Variants in MYT1 observed in about 807,000 individuals in gnomAD.
MYT1 encodes myelin transcription factor I.
MYT1 carries 23 observed loss-of-function variants against 123.0 expected under a neutral mutation model. That is an observed-to-expected ratio of 0.19 (90% confidence interval 0.13 to 0.26). MYT1 has a LOEUF of 0.26. Among genes scored for constraint, MYT1 ranks in the 10% least tolerant of loss-of-function variants. The probability of loss-of-function intolerance (pLI) is 1.00; values close to 1 mark genes in which losing one functional copy is unlikely to be tolerated. For missense variants in MYT1, 1,125 were observed against 1,472.5 expected (o/e 0.76, Z 3.86); for synonymous variants, 518 against 575.3 (o/e 0.90, Z 1.43).
chr20:64,199,021 G>A, intron 3 of MYT1, 105 bp downstream of exon 3: 2 of 1,223,944 alleles, frequency 1.6e-6, no homozygotes, highest in Non-Finnish European at 2.4e-6. Context: ...GATGCCCTGG[G>A]GACCTCAGGC....
In MYT1 at chr20:64,186,143, GT is replaced by G. The variant is rs1982793276; in HGVS notation, c.-98-3915del. ...TGAGGAGGCCCTGTTTGTTTCCTGA[GT>G]TTTTCTGCCCACAAGAGCCCCATAA... On this transcript the variant is annotated intron_variant, in intron 1 of 22. Coordinates refer to ENST00000328439, the MANE Select transcript of MYT1 (RefSeq NM_004535.3). The surrounding 1 kb of genome is among the most constrained non-coding windows in gnomAD (Gnocchi z 4.3). 6.6e-6 allele frequency among the ~76,000 whole-genome samples: 1 copy of G among 152,086 alleles called. No individual in the cohort carries two copies. Among genetic ancestry groups the G allele is most frequent in the East Asian group, 1.9e-4 (1 of 5,192 alleles).
At chr20:64,220,268 G>A (rs1413229491) in intron 13 of MYT1, among the ~76,000 whole-genome samples, 1 of 152,206 alleles carries the variant, frequency 6.6e-6, no homozygotes, top group Non-Finnish European at 1.5e-5. Flanking sequence ...GCACCAACGT[G>A]GGCACTGTGG....
At chr20:64,210,237 C>T (rs545211103) in intron 7 of MYT1, among the ~76,000 whole-genome samples, 13 of 152,326 alleles carry the variant, frequency 8.5e-5, no homozygotes, top group African/African-American at 1.2e-4. Context: ...CAAAGGGACA[C>T]GGCCCCGGGT....
At chr20:64,197,363 C>G (rs182011333) in intron 2 of MYT1, among the ~76,000 whole-genome samples, 1 of 152,310 alleles carries the variant, frequency 6.6e-6, no homozygotes, top group African/African-American at 2.4e-5. Flanking sequence ...GTCTCTTTTT[C>G]TGGCTTTCAG....
chr20:64,232,455 A>G lies in MYT1; in HGVS notation c.2897+70A>G. ...ACCCTCGCCTGGGGCCTGGGGCTGA[A>G]GCTCCTGAGGGAGGGCCAGACCAGG... is the stretch of plus-strand genomic sequence containing the variant. On this transcript the variant is annotated intron_variant, in intron 19 of 22. Coordinates refer to ENST00000328439, the MANE Select transcript of MYT1 (RefSeq NM_004535.3). This position sits in a 1 kb window ranked among gnomAD's most constrained non-coding sequence, Gnocchi z 6.9. 1.3e-6 allele frequency: 2 copies of G among 1,502,334 alleles called. No individual in the cohort carries two copies. The highest frequency in any genetic ancestry group is 2.3e-5 in the South Asian group (2 of 87,214). 93.1% of individuals were successfully genotyped at this position (1,502,334 alleles called of 1,614,324 possible). A position where few individuals can be genotyped will look rare whatever the true frequency, so the allele number is the denominator to read the frequency against.
rs1983553530 is a variant in MYT1, at chr20:64,208,146, C to T, written c.950C>T (p.Thr317Ile). The part of the protein sequence containing the change: ...AAPDVIFQED[T>I]SHTSAQKAPE... ...CCTGATGTGATCTTTCAGGAAGACA[C>T]CTCTCACACCTCTGCCCAGAAGGCC... The change falls in exon 7 of 23, where the codon ACC (threonine) becomes ATC (isoleucine). Residue 317 changes from threonine to isoleucine, a missense_variant. Around this residue, in one of 4 missense-constraint regions of MYT1, gnomAD observed 406 missense variants for 432.2 expected, o/e 0.94. Transcript: ENST00000328439. This position sits in a 1 kb window ranked among gnomAD's most constrained non-coding sequence, Gnocchi z 5.4. 2 of 1,612,936 alleles carry T rather than the reference C, an allele frequency of 1.2e-6. No homozygotes were observed. Among genetic ancestry groups the T allele is most frequent in the Non-Finnish European group, 1.7e-6 (2 of 1,179,406 alleles).
chr20:64,166,612 C>T lies in MYT1; in HGVS notation c.-99+1873C>T, dbSNP rs1982090604. 6.6e-6 allele frequency among the ~76,000 whole-genome samples: 1 copy of T among 152,198 alleles called. No homozygotes were observed. The highest frequency in any genetic ancestry group is 2.4e-5 in the African/African-American group (1 of 41,450). On this transcript the variant is annotated intron_variant, in intron 1 of 22. Transcript: ENST00000328439. This position sits in a 1 kb window ranked among gnomAD's most constrained non-coding sequence, Gnocchi z 4.9. The stretch of plus-strand genomic sequence containing the variant: ...CTCGAGGGTTTTTGTGACCCTCAGC[C>T]ATTGCCCACAGATCTGGAGGTAGCC...
intron 1 of MYT1, among the ~76,000 whole-genome samples, chr20:64,170,944 T>G (rs1443760407): frequency 2.9e-5 from 3 of 104,884 alleles, no homozygotes. Flanking sequence ...GACGGAGTCT[T>G]GCTCTGTTGG....
intron 6 of MYT1, among the ~76,000 whole-genome samples, chr20:64,206,547 C>G (rs1229267696): frequency 6.6e-6 from 1 of 152,100 alleles, no homozygotes; most frequent in Non-Finnish European, 1.5e-5. Context: ...CTCCCCCCAC[C>G]ATCCCCACCA....
At chr20:64,205,394 A>G (rs1020959442) in intron 5 of MYT1, among the ~76,000 whole-genome samples, 159 bp from the exon 6 acceptor site, 3 of 151,728 alleles carry the variant, frequency 2.0e-5, no homozygotes, top group African/African-American at 7.2e-5. Context: ...CTGACCCCCT[A>G]GTGCTGCACT....
At position 64,230,881 on chromosome 20, in the gene MYT1, T is replaced by G. The variant is rs113852074; in HGVS notation, c.2676-1283T>G. On this transcript the variant is annotated intron_variant, in intron 18 of 22. Coordinates refer to ENST00000328439, the MANE Select transcript of MYT1 (RefSeq NM_004535.3). ...GAGAGAAAGCAGGGTCCTGGCCGAG[T>G]TGGCTGGGAAGGGTCTGAAACGGCA... Among the ~76,000 whole-genome samples, 22 of 152,064 alleles carry G rather than the reference T, an allele frequency of 1.4e-4. 4 individuals are homozygous for G. The South Asian group carries it at 1.9e-3, about 13-fold the overall frequency.
At chr20:64,180,056 T>G (rs949900869) in intron 1 of MYT1, among the ~76,000 whole-genome samples, 10 of 134,674 alleles carry the variant, frequency 7.4e-5, no homozygotes, top group African/African-American at 2.4e-4. Flanking sequence ...TCACACACAG[T>G]TACACACCAC....
chr20:64,199,055 G>GCAGCCCTGA, intron 3 of MYT1, 139 bp downstream of exon 3: 1 of 868,350 alleles, frequency 1.2e-6, no homozygotes, highest in Non-Finnish European at 1.8e-6. Flanking sequence ...TTCATCCTCA[G>GCAGCCCTGA]GGCTGCTGAG....
In MYT1 at chr20:64,221,991, C is replaced by T. The variant is rs763455243; in HGVS notation, c.2340C>T (p.Thr780=). The stretch of plus-strand genomic sequence containing the variant: ...AGCGGAAGTATCCGGGGGAAGTCAC[C>T]CTGACCAACTTTAAGCTGAAGTTTC... ...FEERKYPGEV[T]LTNFKLKFLS... The change falls in exon 14 of 23, where the codon ACC becomes ACT. Residue 780 remains threonine (T), a synonymous_variant. Transcript: ENST00000328439. 2.5e-6 allele frequency: 4 copies of T among 1,613,540 alleles called. No individual in the cohort carries two copies. The South Asian group carries it at 3.3e-5, about 13-fold the overall frequency.
At chr20:64,178,033 G>C (rs537624709) in intron 1 of MYT1, among the ~76,000 whole-genome samples, 2 of 152,178 alleles carry the variant, frequency 1.3e-5, no homozygotes, top group Non-Finnish European at 2.9e-5. Context: ...GCAGTCCTGG[G>C]ACAGAGGGAG....
rs140145217 is a variant in MYT1, at chr20:64,200,739, C to A, written c.86+817C>A. Reference sequence around the variant, plus strand: ...CCTGTTTGTGAAGTGGGGAAACGGACTCAGGGGTTAACCTTCATCTAACCA... The same window carrying A: ...CCTGTTTGTGAAGTGGGGAAACGGAATCAGGGGTTAACCTTCATCTAACCA... On this transcript the variant is annotated intron_variant, in intron 4 of 22. Coordinates refer to ENST00000328439, the MANE Select transcript of MYT1 (RefSeq NM_004535.3). Among the ~76,000 whole-genome samples, 362 of 152,274 alleles carry A rather than the reference C, an allele frequency of 2.4e-3. 1 individual carries two copies. Among genetic ancestry groups the A allele is most frequent in the Non-Finnish European group, 4.0e-3 (269 of 68,022 alleles).
chr20:64,202,468 T>C lies in MYT1; in HGVS notation c.86+2546T>C, dbSNP rs2983455. On this transcript the variant is annotated intron_variant, in intron 4 of 22. Transcript: ENST00000328439. The surrounding 1 kb of genome is among the most constrained non-coding windows in gnomAD (Gnocchi z 5.0). Reference sequence around the variant, plus strand: ...TAGCATCTTTGAGACAGCGAGGCGCTGACAACACCGAGTTCAGGACCATCT... The same window carrying C: ...TAGCATCTTTGAGACAGCGAGGCGCCGACAACACCGAGTTCAGGACCATCT... Among the ~76,000 whole-genome samples the C allele has an allele frequency of 0.63, 96,277 of 151,886 alleles. 33,047 individuals carry two copies. Among genetic ancestry groups the C allele is most frequent in the African/African-American group, 0.88 (36,678 of 41,448 alleles).
In MYT1 at chr20:64,213,394, C is replaced by T. The variant is rs1041974150; in HGVS notation, c.1518-140C>T. ...TCCTGCAGAATGACAGGGTTATTCCCGGCTCTGGGCTTCTCTGGAGTTCAC... is the reference window on the plus strand; with the variant it reads ...TCCTGCAGAATGACAGGGTTATTCCTGGCTCTGGGCTTCTCTGGAGTTCAC... On this transcript the variant is annotated intron_variant, in intron 9 of 22. Coordinates refer to ENST00000328439, the MANE Select transcript of MYT1 (RefSeq NM_004535.3). The surrounding 1 kb of genome is among the most constrained non-coding windows in gnomAD (Gnocchi z 5.6). The T allele has an allele frequency of 3.2e-5, 20 of 628,546 alleles. No homozygotes were observed. Among genetic ancestry groups the T allele is most frequent in the South Asian group, 1.8e-4 (9 of 50,866 alleles). 38.9% of individuals were successfully genotyped at this position (628,546 alleles called of 1,614,324 possible).
chr20:64,184,200 G>A (rs938903019), intron 1 of MYT1, among the ~76,000 whole-genome samples: 1 of 152,114 alleles, frequency 6.6e-6, no homozygotes, highest in African/African-American at 2.4e-5. Flanking sequence ...GGCTTGTAGT[G>A]TTGTTGTCAT....
Sources: allele counts gnomAD v4.1 joint callset (sites outside exome capture counted in the v4.1 genomes callset), GRCh38; gene constraint gnomAD v4.1.1; regional missense constraint gnomAD v4.1.1; non-coding constraint Gnocchi (gnomAD v3.1); transcripts MANE v1.5; gene names NCBI Gene and HGNC (gene_info 2026-07-23, HGNC 2026-07-21).